The following RNF8 variants were observed in gnomAD, a reference collection of about 807,000 sequenced individuals.
RNF8 encodes ring finger protein 8, also known as E3 ubiquitin-protein ligase RNF8.
Under a neutral mutation model 59.3 loss-of-function variants are expected in RNF8, and 8 were observed. The observed-to-expected ratio is 0.13, with a 90% CI of 0.08 to 0.24. The LOEUF (loss-of-function observed/expected upper bound fraction) is 0.24, where lower values mean the gene tolerates loss of function less well. Among genes scored for constraint, RNF8 ranks in the 10% least tolerant of loss-of-function variants. The pLI is 1.00. For synonymous variants in RNF8, 162 were observed against 200.0 expected, an observed-to-expected ratio of 0.81 and a Z score of 1.60; for missense variants, 406 against 572.6, an observed-to-expected ratio of 0.71 and a Z score of 2.97.
intron 7 of RNF8, among the ~76,000 whole-genome samples, chr6:37,386,001 A>AT (rs1770478900): frequency 1.3e-5 from 2 of 151,710 alleles, no homozygotes; most frequent in Admixed American, 1.3e-4. Context: ...CACCCAGCTA[A>AT]TTTTTTGTAT....
chr6:37,361,491 AG>A (rs1769322068), intron 2 of RNF8: 2 of 369,950 alleles, frequency 5.4e-6, no homozygotes, highest in East Asian at 7.4e-5. Flanking sequence ...GCTATCAAAA[AG>A]AAAAGAAGAT....
chr6:37,361,063 A>G, intron 2 of RNF8: 1 of 353,614 alleles, frequency 2.8e-6, no homozygotes, highest in Non-Finnish European at 5.5e-6. Flanking sequence ...TGTTCCGAAG[A>G]TTTCCTTTGA....
At chr6:37,368,001 T>C (rs1209261479) in intron 2 of RNF8, among the ~76,000 whole-genome samples, 1 of 152,232 alleles carries the variant, frequency 6.6e-6, no homozygotes, top group Non-Finnish European at 1.5e-5. Flanking sequence ...CCAGATATAG[T>C]ACTCTCTTTT....
chr6:37,374,714 T>G lies in RNF8; in HGVS notation c.1128+5T>G. ...AAAGAATTAGAGCAGACCAAGGTAC[T>G]GGAAAGAAGATGGAAGTTTAGAATT... is the stretch of plus-strand genomic sequence containing the variant. On this transcript the variant is annotated splice_donor_5th_base_variant and intron_variant, in intron 5 of 7. Transcript: ENST00000373479. 5.0e-6 allele frequency: 8 copies of G among 1,610,076 alleles called. No individual in the cohort carries two copies. Among genetic ancestry groups the G allele is most frequent in the Non-Finnish European group, 6.8e-6 (8 of 1,176,416 alleles).
chr6:37,388,733 G>T (rs1770606987), intron 7 of RNF8, among the ~76,000 whole-genome samples: 1 of 151,040 alleles, frequency 6.6e-6, no homozygotes, highest in African/African-American at 2.4e-5. Flanking sequence ...GAAGCCAGGA[G>T]TTCAAGACCA....
chr6:37,369,124 A>G lies in RNF8; in HGVS notation c.881A>G (p.Asp294Gly). 6.2e-7 allele frequency: 1 copy of G among 1,614,226 alleles called. No individual in the cohort carries two copies. Among genetic ancestry groups the G allele is most frequent in the Non-Finnish European group, 8.5e-7 (1 of 1,180,042 alleles). ...GTGCAAATGGAGCAGGAACTTCAGG[A>G]CTTACAGTCCCAGCTGTGTGCAGAG... The part of the protein sequence containing the change: ...KVVQMEQELQ[D>G]LQSQLCAEQA... The change falls in exon 3 of 8, where the codon GAC becomes GGC. Residue 294 changes from aspartate to glycine, a missense_variant. Asp to Gly is a moderately conservative substitution (Grantham distance 94). Transcript: ENST00000373479.
chr6:37,354,099 C>T lies in RNF8; in HGVS notation c.-66C>T. 10 of 1,326,254 alleles carry T rather than the reference C, an allele frequency of 7.5e-6. No homozygotes were observed. Among genetic ancestry groups the T allele is most frequent in the South Asian group, 3.8e-5 (3 of 79,622 alleles). The allele number at this position is 1,326,254 out of a possible 1,614,324, so 82.2% of individuals were successfully genotyped here. On this transcript the variant is annotated 5_prime_UTR_variant, in exon 1 of 8. Coordinates refer to ENST00000373479, the MANE Select transcript of RNF8 (RefSeq NM_003958.4). ...TAGATATGGAAGCTGAGGGGATGCA[C>T]AGAGGCAGCCAGAACCTAGGTCAGG...
chr6:37,371,282 A>C (rs1434942732), intron 3 of RNF8, among the ~76,000 whole-genome samples: 1 of 152,142 alleles, frequency 6.6e-6, no homozygotes. Flanking sequence ...GAACAACCCA[A>C]TTGGTGGCTT....
intron 4 of RNF8, among the ~76,000 whole-genome samples, chr6:37,373,003 C>A (rs1013223760): frequency 6.6e-6 from 1 of 152,194 alleles, no homozygotes; most frequent in African/African-American, 2.4e-5. Context: ...TCTATACCAT[C>A]ATGCCTGGGG....
intron 2 of RNF8, chr6:37,361,636 C>T: frequency 3.3e-6 from 1 of 299,290 alleles, no homozygotes. Flanking sequence ...TATTGCTTCA[C>T]TGCCCCAGTT....
chr6:37,373,462 A>T (rs1769888169), intron 4 of RNF8, among the ~76,000 whole-genome samples: 1 of 152,188 alleles, frequency 6.6e-6, no homozygotes, highest in Non-Finnish European at 1.5e-5. Context: ...GCTGGAGTGC[A>T]GTGGTGCAAT....
At chr6:37,385,060 C>A (rs1232555472) in intron 7 of RNF8, among the ~76,000 whole-genome samples, 2 of 151,720 alleles carry the variant, frequency 1.3e-5, no homozygotes, top group Admixed American at 1.3e-4. Context: ...GTTGCCCAGG[C>A]TGGAGTGCAA....
chr6:37,379,735 A>G (rs1482322924), intron 6 of RNF8, among the ~76,000 whole-genome samples: 1 of 151,848 alleles, frequency 6.6e-6, no homozygotes, highest in Non-Finnish European at 1.5e-5. Flanking sequence ...CTTCTATATT[A>G]TTTTACTTTT....
intron 5 of RNF8, 140 bp downstream of exon 5, chr6:37,374,849 T>C (rs372119784): frequency 3.0e-5 from 19 of 625,746 alleles, no homozygotes; most frequent in African/African-American, 2.0e-4. Context: ...TATAAAATTA[T>C]AGAGGCCTAT....
chr6:37,392,528 AAC>A lies in RNF8; in HGVS notation c.*1774_*1775del. Reference sequence around the variant, plus strand: ...AGAGATCTCTGTCTATACAAGCAAAAACACATGTGGTCTTTTTCCTTGCTTTG... The same window carrying A: ...AGAGATCTCTGTCTATACAAGCAAAAACATGTGGTCTTTTTCCTTGCTTTG... On this transcript the variant is annotated 3_prime_UTR_variant, in exon 8 of 8. Coordinates refer to ENST00000373479, the MANE Select transcript of RNF8 (RefSeq NM_003958.4). 2.5e-6 allele frequency: 1 copy of A among 398,616 alleles called. No individual in the cohort carries two copies. The highest frequency in any genetic ancestry group is 4.4e-6 in the Non-Finnish European group (1 of 226,052). The allele number at this position is 398,616 out of a possible 1,614,324, so 24.7% of individuals were successfully genotyped here. A position where few individuals can be genotyped will look rare whatever the true frequency, so the allele number is the denominator to read the frequency against.
At chr6:37,364,854 C>T (rs1769483380) in intron 2 of RNF8, among the ~76,000 whole-genome samples, 1 of 152,186 alleles carries the variant, frequency 6.6e-6, no homozygotes. Context: ...CCCCAAACCT[C>T]TGCCTCCCGG....
In RNF8 at chr6:37,393,909, G is replaced by A. The variant is rs891713906; in HGVS notation, c.*3151G>A. On this transcript the variant is annotated 3_prime_UTR_variant, in exon 8 of 8. Transcript: ENST00000373479. ...AGTCACCATAACTGCTGGAGTGTCT[G>A]GGATTGGTAGCTCTCTCCAACTGCC... The A allele has an allele frequency of 1.1e-4, 17 of 152,234 alleles. No individual in the cohort carries two copies. Among genetic ancestry groups the A allele is most frequent in the African/African-American group, 3.4e-4 (14 of 41,440 alleles). 9.4% of individuals were successfully genotyped at this position (152,234 alleles called of 1,614,324 possible).
chr6:37,362,729 A>G (rs1295546746), intron 2 of RNF8, among the ~76,000 whole-genome samples: 4 of 152,272 alleles, frequency 2.6e-5, no homozygotes, highest in African/African-American at 9.6e-5. Context: ...GTCATTTGCC[A>G]AATCTTTTTC....
chr6:37,372,697 C>T (rs533178349), intron 4 of RNF8, among the ~76,000 whole-genome samples: 162 of 152,318 alleles, frequency 1.1e-3, no homozygotes, highest in African/African-American at 3.6e-3. Flanking sequence ...AGACCGGGCA[C>T]GGTGGCTCAC....
Sources: gnomAD v4.1 joint callset for allele counts (sites outside exome capture counted in the v4.1 genomes callset) on GRCh38, gnomAD v4.1.1 for gene constraint, MANE v1.5 for transcripts, NCBI Gene and HGNC (gene_info 2026-07-23, HGNC 2026-07-21) for gene names.